The following SLC24A2 variants were observed in gnomAD, a reference collection of about 807,000 sequenced individuals.
SLC24A2 encodes the protein solute carrier family 24 member 2.
Under a neutral mutation model 62.0 loss-of-function variants are expected in SLC24A2, and 36 were observed. That is an observed-to-expected ratio of 0.58 (90% CI 0.44 to 0.77). The LOEUF (loss-of-function observed/expected upper bound fraction) is 0.77. Among genes scored for constraint, SLC24A2 ranks in the 30% least tolerant of loss-of-function variants. The pLI, the probability that SLC24A2 is intolerant of heterozygous loss-of-function variation, is 0.00. For missense variants in SLC24A2, 846 were observed against 817.9 expected, an observed-to-expected ratio of 1.03 and a Z score of -0.42; for synonymous variants, 358 against 294.0, an observed-to-expected ratio of 1.22 and a Z score of -2.23.
chr9:20,229,265 A>C, the SLC24A2 span, among the ~76,000 whole-genome samples: 1 of 152,164 alleles, frequency 6.6e-6, no homozygotes, highest in Non-Finnish European at 1.5e-5. Flanking sequence ...TCTGTTACTT[A>C]ATAACAGTGT....
chr9:19,857,696 A>C, the SLC24A2 span, among the ~76,000 whole-genome samples: 2 of 151,838 alleles, frequency 1.3e-5, no homozygotes, highest in African/African-American at 4.8e-5. Context: ...TGGGTTTTAA[A>C]TATTGATTCT....
the SLC24A2 span, among the ~76,000 whole-genome samples, chr9:20,218,931 G>A: frequency 4.1e-4 from 63 of 152,128 alleles, no homozygotes; most frequent in African/African-American, 1.5e-3. Flanking sequence ...AACCCAAGCA[G>A]AATGATTTTG....
chr9:20,141,416 C>T, the SLC24A2 span, among the ~76,000 whole-genome samples: 1 of 152,192 alleles, frequency 6.6e-6, no homozygotes, highest in Non-Finnish European at 1.5e-5. Context: ...TCTATCAAGC[C>T]TCTAATTCTC....
In SLC24A2 at chr9:19,526,757, T is replaced by C. The variant is rs544548564; in HGVS notation, c.1569+1292A>G. Among the ~76,000 whole-genome samples, 18 of 152,316 alleles carry C rather than the reference T, an allele frequency of 1.2e-4. No homozygotes were observed. The Middle Eastern group carries it at 0.014, about 115-fold the overall frequency. ...TCTTGGATACAAGTGCTTTATCAGA[T>C]ATATATGATTTGCAAATATTTTCTT... On this transcript the variant is annotated intron_variant, in intron 9 of 10. Transcript: ENST00000341998.
the SLC24A2 span, among the ~76,000 whole-genome samples, chr9:20,230,073 T>A: frequency 2.0e-5 from 3 of 152,230 alleles, no homozygotes; most frequent in African/African-American, 4.8e-5. Context: ...TCATCATTTT[T>A]TATGGCTGCA....
chr9:20,221,892 A>C, the SLC24A2 span, among the ~76,000 whole-genome samples: 1 of 152,160 alleles, frequency 6.6e-6, no homozygotes, highest in Non-Finnish European at 1.5e-5. Flanking sequence ...TATTGCCCAC[A>C]GACACTCAGG....
chr9:19,733,003 G>A (rs572533708), intron 2 of SLC24A2, among the ~76,000 whole-genome samples: 1 of 151,960 alleles, frequency 6.6e-6, no homozygotes, highest in African/African-American at 2.4e-5. Context: ...ACCATTTCAG[G>A]CCCAATTGCT....
chr9:19,881,751 T>C, the SLC24A2 span, among the ~76,000 whole-genome samples: 1 of 152,214 alleles, frequency 6.6e-6, no homozygotes, highest in Non-Finnish European at 1.5e-5. Flanking sequence ...TGTCAAATCA[T>C]GTAATACCAC....
intron 5 of SLC24A2, among the ~76,000 whole-genome samples, chr9:19,596,944 G>T (rs1455706303): frequency 6.6e-6 from 1 of 152,196 alleles, no homozygotes; most frequent in Non-Finnish European, 1.5e-5. Context: ...TACTGGCGCA[G>T]TGGGTATTTG....
At chr9:19,558,195 G>A (rs1431523075) in intron 7 of SLC24A2, among the ~76,000 whole-genome samples, 1 of 152,140 alleles carries the variant, frequency 6.6e-6, no homozygotes, top group East Asian at 1.9e-4. Context: ...AGCATTGAAA[G>A]TGAAATGAAG....
At chr9:19,875,255 A>G in the SLC24A2 span, among the ~76,000 whole-genome samples, 1 of 152,326 alleles carries the variant, frequency 6.6e-6, no homozygotes, top group East Asian at 1.9e-4. Context: ...GTGTTAAAAA[A>G]TACCAGTGTA....
At chr9:19,660,142 C>T (rs1819054504) in intron 2 of SLC24A2, among the ~76,000 whole-genome samples, 1 of 152,186 alleles carries the variant, frequency 6.6e-6, no homozygotes, top group South Asian at 2.1e-4. Flanking sequence ...CGGACCAGCT[C>T]AGTGCCTGTG....
chr9:19,855,408 G>C, the SLC24A2 span, among the ~76,000 whole-genome samples: 1 of 152,136 alleles, frequency 6.6e-6, no homozygotes, highest in Admixed American at 6.6e-5. Flanking sequence ...ACTTGAGTGT[G>C]TTTTGTGGTG....
chr9:19,594,855 G>C (rs1055372347), intron 5 of SLC24A2, among the ~76,000 whole-genome samples: 2 of 152,216 alleles, frequency 1.3e-5, no homozygotes, highest in African/African-American at 2.4e-5. Flanking sequence ...TACCAGATCT[G>C]AGGTTACTGA....
At chr9:20,168,940 G>T in the SLC24A2 span, among the ~76,000 whole-genome samples, 1 of 151,986 alleles carries the variant, frequency 6.6e-6, no homozygotes, top group East Asian at 1.9e-4. Context: ...AGCCAAAGAT[G>T]TAAACAACCC....
the SLC24A2 span, among the ~76,000 whole-genome samples, chr9:20,193,395 A>T: frequency 6.6e-6 from 1 of 152,084 alleles, no homozygotes. Flanking sequence ...ATTTCTAAGA[A>T]GAAAAAGAAA....
the SLC24A2 span, among the ~76,000 whole-genome samples, chr9:20,239,855 C>T: frequency 6.7e-6 from 1 of 148,356 alleles, no homozygotes; most frequent in Non-Finnish European, 1.5e-5. Flanking sequence ...TATGAAAATG[C>T]TTGAGTTTCC....
At chr9:19,624,270 G>A (rs1326029362) in intron 2 of SLC24A2, among the ~76,000 whole-genome samples, 1 of 152,098 alleles carries the variant, frequency 6.6e-6, no homozygotes, top group African/African-American at 2.4e-5. Context: ...CTAAATGGGA[G>A]ACCAATAATT....
chr9:19,735,112 C>A (rs1412728935), intron 2 of SLC24A2, among the ~76,000 whole-genome samples: 1 of 152,050 alleles, frequency 6.6e-6, no homozygotes, highest in Non-Finnish European at 1.5e-5. Context: ...ATCTATCCAT[C>A]TGACAATGGG....
Sources: allele counts gnomAD v4.1 joint callset (sites outside exome capture counted in the v4.1 genomes callset), GRCh38; gene constraint gnomAD v4.1.1; transcripts MANE v1.5; gene names NCBI Gene and HGNC (gene_info 2026-07-23, HGNC 2026-07-21).